Variants in ERO1A observed in about 807,000 individuals in gnomAD.
ERO1A encodes ERO1-like protein alpha.
ERO1A carries 49 observed loss-of-function variants against 76.9 expected under a neutral mutation model. The ratio of observed to expected loss-of-function variants is 0.64; its 90% CI spans 0.51 to 0.81. ERO1A has a LOEUF of 0.81. Ranked by LOEUF, ERO1A falls within the 30% of genes least tolerant of loss-of-function variation. The pLI is 0.00. For synonymous variants in ERO1A, 174 were observed against 181.2 expected, an observed-to-expected ratio of 0.96 and a Z score of 0.32; for missense variants, 448 against 542.1, an observed-to-expected ratio of 0.83 and a Z score of 1.72.
At chr14:52,678,798 T>C (rs999365344) in intron 3 of ERO1A, among the ~76,000 whole-genome samples, 1 of 152,228 alleles carries the variant, frequency 6.6e-6, no homozygotes, top group African/African-American at 2.4e-5. Flanking sequence ...TATTGACACC[T>C]GTGTCCTTTT....
chr14:52,666,560 A>G, intron 6 of ERO1A, 65 bp from the exon 7 acceptor site: 1 of 1,389,086 alleles, frequency 7.2e-7, no homozygotes, highest in South Asian at 1.3e-5. Flanking sequence ...CTACTACACA[A>G]GACTGTATTC....
Position 52,653,059 on chromosome 14 carries a change from T to C in ERO1A, c.1055+10A>G, listed in dbSNP as rs557392260. On this transcript the variant is annotated intron_variant, in intron 12 of 15. Coordinates refer to ENST00000395686, the MANE Select transcript of ERO1A (RefSeq NM_014584.3). Reference sequence around the variant, plus strand: ...TTCTATTAATGTATAAAGTTTAATATATAATTTACTTGATTTCATGAAGTA... The same window carrying C: ...TTCTATTAATGTATAAAGTTTAATACATAATTTACTTGATTTCATGAAGTA... 4.8e-6 allele frequency: 7 copies of C among 1,469,946 alleles called. No individual in the cohort carries two copies. The South Asian group carries it at 8.1e-5, about 17-fold the overall frequency. The allele number at this position is 1,469,946 out of a possible 1,614,324, so 91.1% of individuals were successfully genotyped here.
At chr14:52,652,183 A>C (rs1374761356) in intron 13 of ERO1A, 56 bp downstream of exon 13, 1 of 1,090,082 alleles carries the variant, frequency 9.2e-7, no homozygotes, top group Non-Finnish European at 1.4e-6. Context: ...CTATATATTC[A>C]TATCTGCATA....
At chr14:52,663,436 A>G (rs2139682711) in intron 8 of ERO1A, among the ~76,000 whole-genome samples, 1 of 151,974 alleles carries the variant, frequency 6.6e-6, no homozygotes, top group South Asian at 2.1e-4. Context: ...CATCTCTACT[A>G]AAAATACAAA....
At chr14:52,645,427 T>C (rs56919507) in intron 15 of ERO1A, among the ~76,000 whole-genome samples, 10,050 of 151,100 alleles carry the variant, frequency 0.067, 1,034 homozygotes, top group African/African-American at 0.22. Flanking sequence ...CTCAGCCTCC[T>C]GAGTAGCTGG....
At chr14:52,663,659 A>T (rs1304527833) in intron 8 of ERO1A, 142 bp downstream of exon 8, 1 of 521,558 alleles carries the variant, frequency 1.9e-6, no homozygotes, top group Non-Finnish European at 3.5e-6. Context: ...CAATCTCTGC[A>T]AGCGTGAGGC....
chr14:52,695,397 C>T lies in ERO1A; in HGVS notation c.85G>A (p.Glu29Lys). 1 of 1,535,440 alleles carries T rather than the reference C, an allele frequency of 6.5e-7. No homozygotes were observed. Among genetic ancestry groups the T allele is most frequent in the Non-Finnish European group, 8.8e-7 (1 of 1,139,654 alleles). The change falls in exon 1 of 16, where the codon GAG becomes AAG. Residue 29 changes from glutamate (E) to lysine (K), a missense_variant. Physicochemically the swap from Glu to Lys is moderately conservative, Grantham distance 56. Coordinates refer to ENST00000395686, the MANE Select transcript of ERO1A (RefSeq NM_014584.3). Reference sequence around the variant, plus strand: ...CAGAAGCACCTCTGTGCCGCTGTCTCCGGGGGCTGCTCCTCTCCGTGGCCC... The same window carrying T: ...CAGAAGCACCTCTGTGCCGCTGTCTTCGGGGGCTGCTCCTCTCCGTGGCCC... ...SSGHGEEQPP[E>K]TAAQRCFCQV...
At chr14:52,656,711 CAAAA>C (rs34369320) in intron 11 of ERO1A, among the ~76,000 whole-genome samples, 4 of 103,594 alleles carry the variant, frequency 3.9e-5, no homozygotes, top group Admixed American at 9.9e-5. Context: ...GACTCTGTCT[CAAAA>C]AAAAAAAAAA....
chr14:52,641,615 A>AAAAAAT lies in ERO1A; in HGVS notation c.*1949_*1954dup, dbSNP rs760939404. Reference sequence around the variant, plus strand: ...GGCGACACAGCAAGACTCCGTCTCCAAAAAATAAAAATAAAAAAAGGAAGG... The same window carrying AAAAAAT: ...GGCGACACAGCAAGACTCCGTCTCCAAAAAATAAAAATAAAAATAAAAAAAGGAAGG... On this transcript the variant is annotated 3_prime_UTR_variant, in exon 16 of 16. Coordinates refer to ENST00000395686, the MANE Select transcript of ERO1A (RefSeq NM_014584.3). 2.0e-5 allele frequency: 3 copies of AAAAAAT among 152,118 alleles called. No individual in the cohort carries two copies. The highest frequency in any genetic ancestry group is 4.4e-5 in the Non-Finnish European group (3 of 68,100). 9.4% of individuals were successfully genotyped at this position (152,118 alleles called of 1,614,324 possible). A position where few individuals can be genotyped will look rare whatever the true frequency, so the allele number is the denominator to read the frequency against.
chr14:52,695,465 C>A lies in ERO1A; in HGVS notation c.17G>T (p.Gly6Val), dbSNP rs911062532. Residue 6 changes from glycine (G) to valine (V), a missense_variant, in exon 1 of 16, where the codon GGA becomes GTA. Gly to Val is a moderately radical substitution (Grantham distance 109, BLOSUM62 -3). Transcript: ENST00000395686. Reference protein sequence around the residue: MGRGWGFLFGLLGAVW... With the variant: MGRGWVFLFGLLGAVW... ...GGCGCCCAGGAGGCCAAACAAGAAT[C>A]CCCAGCCGCGGCCCATTGCAGCTCC... The A allele has an allele frequency of 7.8e-6, 12 of 1,533,264 alleles. No individual in the cohort carries two copies. The highest frequency in any genetic ancestry group is 9.7e-6 in the Non-Finnish European group (11 of 1,138,940). The allele number at this position is 1,533,264 out of a possible 1,614,324, so 95.0% of individuals were successfully genotyped here. A position where few individuals can be genotyped will look rare whatever the true frequency, so the allele number is the denominator to read the frequency against.
chr14:52,658,924 C>T (rs1462026110), intron 9 of ERO1A, among the ~76,000 whole-genome samples: 1 of 152,086 alleles, frequency 6.6e-6, no homozygotes, highest in Non-Finnish European at 1.5e-5. Context: ...ATGATAAACA[C>T]TGTACAGTGT....
chr14:52,672,910 T>C (rs2040656581), intron 4 of ERO1A, among the ~76,000 whole-genome samples: 2 of 152,126 alleles, frequency 1.3e-5, no homozygotes, highest in African/African-American at 4.8e-5. Flanking sequence ...AGCAGAGTTC[T>C]ATCAAGAAGA....
At chr14:52,686,752 G>A (rs866222701) in intron 1 of ERO1A, among the ~76,000 whole-genome samples, 3 of 152,078 alleles carry the variant, frequency 2.0e-5, no homozygotes, top group African/African-American at 7.2e-5. Context: ...GCACATGTCT[G>A]TAGTCCCAGC....
In ERO1A at chr14:52,665,525, T is replaced by C. The variant is rs573413853; in HGVS notation, c.629+850A>G. 3.2e-4 allele frequency among the ~76,000 whole-genome samples: 48 copies of C among 152,142 alleles called. 1 individual carries two copies. In the South Asian group the frequency reaches 9.3e-3, roughly 30 times the overall value. ...TGATCTCATACTTATATTTGACTTA[T>C]AAAAAGTGAAATATATAATATTATC... On this transcript the variant is annotated intron_variant, in intron 7 of 15. Transcript: ENST00000395686.
intron 11 of ERO1A, among the ~76,000 whole-genome samples, chr14:52,656,857 T>G (rs1339007045): frequency 1.3e-5 from 2 of 152,022 alleles, no homozygotes; most frequent in Non-Finnish European, 2.9e-5. Context: ...GCTCAGGAGT[T>G]CAAGACCAGC....
intron 13 of ERO1A, among the ~76,000 whole-genome samples, chr14:52,651,279 T>A (rs917867417): frequency 6.6e-6 from 1 of 151,936 alleles, no homozygotes; most frequent in Non-Finnish European, 1.5e-5. Context: ...CAGAGTGAGA[T>A]CCCTTCTCAA....
At chr14:52,646,986 T>C (rs950552285) in intron 13 of ERO1A, 1 of 132,880 alleles carries the variant, frequency 7.5e-6, no homozygotes, top group African/African-American at 2.9e-5. Flanking sequence ...TTTTTTTTTT[T>C]TTTTTTTTTT....
intron 2 of ERO1A, among the ~76,000 whole-genome samples, chr14:52,683,290 T>C (rs1490645367): frequency 2.7e-5 from 4 of 147,856 alleles, no homozygotes. Context: ...ACTCACATTC[T>C]TTTCAAACAA....
chr14:52,659,413 T>C (rs893196102), intron 9 of ERO1A, among the ~76,000 whole-genome samples: 1 of 152,158 alleles, frequency 6.6e-6, no homozygotes, highest in Non-Finnish European at 1.5e-5. Context: ...AATATCAAAA[T>C]GTTAGCAGAG....
Sources: allele counts gnomAD v4.1 joint callset (sites outside exome capture counted in the v4.1 genomes callset), GRCh38; gene constraint gnomAD v4.1.1; transcripts MANE v1.5; gene names NCBI Gene and HGNC (gene_info 2026-07-23, HGNC 2026-07-21).